CDK19: variants seen among roughly 807,000 people sequenced by gnomAD.
The protein encoded by CDK19 is cyclin-dependent kinase 19.
A neutral mutation model predicts 68.3 loss-of-function variants in CDK19; 20 were observed. The observed-to-expected ratio is 0.29, with a 90% CI of 0.21 to 0.43. CDK19 has a LOEUF of 0.43. Among genes scored for constraint, CDK19 ranks in the 20% least tolerant of loss-of-function variants. The pLI is 1.00. For synonymous variants in CDK19, 221 were observed against 222.8 expected, an observed-to-expected ratio of 0.99 and a Z score of 0.07; for missense variants, 339 against 623.5, an observed-to-expected ratio of 0.54 and a Z score of 4.86.
intron 1 of CDK19, among the ~76,000 whole-genome samples, chr6:110,786,317 T>C (rs933562609): frequency 6.6e-6 from 1 of 152,200 alleles, no homozygotes; most frequent in African/African-American, 2.4e-5. Context: ...ATTAGGTCTT[T>C]AATTCTCTCG....
At chr6:110,808,782 T>C (rs1782857658) in intron 1 of CDK19, among the ~76,000 whole-genome samples, 1 of 152,202 alleles carries the variant, frequency 6.6e-6, no homozygotes, top group Non-Finnish European at 1.5e-5. Context: ...TTTCTAAGCA[T>C]CTCTATAAAA....
At chr6:110,691,208 C>T (rs957531565) in intron 2 of CDK19, among the ~76,000 whole-genome samples, 6 of 152,160 alleles carry the variant, frequency 3.9e-5, no homozygotes, top group African/African-American at 1.4e-4. Flanking sequence ...GATGGGGTGG[C>T]TCACACCTGT....
chr6:110,729,772 T>C (rs1039483524), intron 2 of CDK19, among the ~76,000 whole-genome samples: 2 of 152,048 alleles, frequency 1.3e-5, no homozygotes, highest in Admixed American at 1.3e-4. Context: ...CTTGCTATGT[T>C]GCCCAGGCTA....
chr6:110,624,622 C>G (rs116387866), intron 8 of CDK19, among the ~76,000 whole-genome samples: 2,442 of 152,100 alleles, frequency 0.016, 69 homozygotes, highest in African/African-American at 0.055. Flanking sequence ...AATTGGAATC[C>G]TACTAAAAAA....
chr6:110,799,144 T>TTAA (rs1554226457), intron 1 of CDK19, among the ~76,000 whole-genome samples: 1 of 49,134 alleles, frequency 2.0e-5, no homozygotes, highest in Non-Finnish European at 3.4e-5. Flanking sequence ...ACCCTGTATT[T>TTAA]AAAAAAAAAA....
intron 2 of CDK19, among the ~76,000 whole-genome samples, chr6:110,704,051 T>C (rs769327156): frequency 3.7e-4 from 56 of 152,290 alleles, no homozygotes; most frequent in African/African-American, 1.3e-3. Context: ...AGTTCAAATA[T>C]ACATACAACA....
At chr6:110,752,381 C>T (rs943962814) in intron 1 of CDK19, among the ~76,000 whole-genome samples, 1 of 152,150 alleles carries the variant, frequency 6.6e-6, no homozygotes, top group Admixed American at 6.6e-5. Context: ...TGTCGTAACA[C>T]TTTAATATCA....
chr6:110,699,678 TC>T (rs1174003670), intron 2 of CDK19, among the ~76,000 whole-genome samples: 2 of 152,150 alleles, frequency 1.3e-5, no homozygotes, highest in Non-Finnish European at 2.9e-5. Context: ...ACTATATAAT[TC>T]ATCCATGTAA....
chr6:110,814,649 A>C (rs1783435639), intron 1 of CDK19: 2 of 492,966 alleles, frequency 4.1e-6, no homozygotes, highest in Non-Finnish European at 8.0e-6. Flanking sequence ...GCAACTCCGC[A>C]GCGGAGCTCT....
chr6:110,806,866 T>C (rs1326028932), intron 1 of CDK19, among the ~76,000 whole-genome samples: 1 of 151,988 alleles, frequency 6.6e-6, no homozygotes, highest in African/African-American at 2.4e-5. Flanking sequence ...TGGTCCCCGC[T>C]ACTCAGGAGG....
In CDK19 at chr6:110,667,561, AACTT is replaced by A; in HGVS notation, c.325_328del (p.Lys109PhefsTer43). On this transcript the variant is annotated frameshift_variant, in exon 4 of 13. Transcript: ENST00000368911. LOFTEE classifies it high-confidence loss of function. ...TTTATTTGCTTTTGATGCACGGTGAAACTTAATAATATGCTAAAAATTAAAAAAA... is the reference window on the plus strand; with the variant it reads ...TTTATTTGCTTTTGATGCACGGTGAAAATAATATGCTAAAAATTAAAAAAA... 6.5e-7 allele frequency: 1 copy of A among 1,545,848 alleles called. No individual in the cohort carries two copies. Among genetic ancestry groups the A allele is most frequent in the Non-Finnish European group, 8.8e-7 (1 of 1,138,958 alleles).
intron 4 of CDK19, among the ~76,000 whole-genome samples, chr6:110,666,947 T>C (rs1781980472): frequency 6.6e-6 from 1 of 152,174 alleles, no homozygotes; most frequent in Non-Finnish European, 1.5e-5. Context: ...TTGCAGCTAA[T>C]TTGCCTAATA....
At chr6:110,773,416 G>T (rs1391931170) in intron 1 of CDK19, among the ~76,000 whole-genome samples, 1 of 151,990 alleles carries the variant, frequency 6.6e-6, no homozygotes, top group East Asian at 1.9e-4. Context: ...CTGGCAAATG[G>T]GACCTATAGC....
At chr6:110,798,215 G>A (rs1000761077) in intron 1 of CDK19, among the ~76,000 whole-genome samples, 2 of 152,010 alleles carry the variant, frequency 1.3e-5, no homozygotes, top group African/African-American at 4.8e-5. Context: ...AAGCTATTAA[G>A]AAGGCACTTA....
intron 2 of CDK19, among the ~76,000 whole-genome samples, chr6:110,709,404 T>C (rs1280867051): frequency 6.6e-6 from 1 of 151,790 alleles, no homozygotes; most frequent in Non-Finnish European, 1.5e-5. Flanking sequence ...ATACCTAATG[T>C]AGATGACGAG....
At chr6:110,639,481 A>G (rs901819354) in intron 4 of CDK19, among the ~76,000 whole-genome samples, 3 of 152,208 alleles carry the variant, frequency 2.0e-5, no homozygotes, top group African/African-American at 7.2e-5. Flanking sequence ...AGGATAAAGA[A>G]CCATGCCAAT....
intron 2 of CDK19, among the ~76,000 whole-genome samples, chr6:110,741,298 A>G (rs1309835087): frequency 6.7e-6 from 1 of 149,826 alleles, no homozygotes; most frequent in African/African-American, 2.5e-5. Context: ...TTTACAAAAA[A>G]TTAAAAAAAA....
intron 2 of CDK19, among the ~76,000 whole-genome samples, chr6:110,729,849 A>G (rs1238366127): frequency 6.6e-6 from 1 of 152,082 alleles, no homozygotes; most frequent in African/African-American, 2.4e-5. Context: ...GGCTCAAGCA[A>G]TCCTCCTGCC....
intron 4 of CDK19, chr6:110,643,357 A>G (rs1160706724): frequency 2.5e-6 from 1 of 398,786 alleles, no homozygotes; most frequent in Non-Finnish European, 4.8e-6. Flanking sequence ...AGCTGAGTCA[A>G]CTATGGTAAC....
Sources: gnomAD v4.1 joint callset for allele counts (sites outside exome capture counted in the v4.1 genomes callset) on GRCh38, gnomAD v4.1.1 for gene constraint, MANE v1.5 for transcripts, NCBI Gene and HGNC (gene_info 2026-07-23, HGNC 2026-07-21) for gene names.